Variants in DCAF6 observed in about 807,000 individuals in gnomAD.
DCAF6 encodes DDB1- and CUL4-associated factor 6.
DCAF6 carries 54 observed loss-of-function variants against 125.1 expected under a neutral mutation model. The ratio of observed to expected loss-of-function variants is 0.43; its 90% confidence interval spans 0.35 to 0.54. The LOEUF is 0.54. Among genes scored for constraint, DCAF6 ranks in the 20% least tolerant of loss-of-function variants. The pLI is 0.01. For synonymous variants in DCAF6, 371 were observed against 390.4 expected, an observed-to-expected ratio of 0.95 and a Z score of 0.58; for missense variants, 934 against 1,161.7, an observed-to-expected ratio of 0.80 and a Z score of 2.85.
intron 1 of DCAF6, among the ~76,000 whole-genome samples, chr1:167,943,122 G>A (rs1271529815): frequency 6.6e-6 from 1 of 152,126 alleles, no homozygotes; most frequent in African/African-American, 2.4e-5. Context: ...CGTTAGCCAG[G>A]ATGGTCTCGA....
the DCAF6 span, chr1:167,883,679 C>T: frequency 3.8e-6 from 6 of 1,563,904 alleles, no homozygotes; most frequent in Non-Finnish European, 3.5e-6. Context: ...GTGGATCCCT[C>T]CCCCAACACC....
Position 167,936,961 on chromosome 1 carries a change from G to T in DCAF6, c.50G>T (p.Arg17Met). ...CACCTGTTGTGGGACGTGAGGAAAA[G>T]GTCCCTCGGGCTGGAGGACCCGTCC... ...YPHLLWDVRK[R>M]SLGLEDPSRL... The change falls in exon 1 of 22, where the codon AGG becomes ATG. Residue 17 changes from arginine (R) to methionine (M), a missense_variant. By Grantham distance (91) the Arg-to-Met change is moderately conservative. Transcript: ENST00000367840. The T allele has an allele frequency of 6.2e-7, 1 of 1,611,084 alleles. No individual in the cohort carries two copies. The highest frequency in any genetic ancestry group is 8.5e-7 in the Non-Finnish European group (1 of 1,179,192).
chr1:167,973,340 T>C (rs1051867928), intron 3 of DCAF6, among the ~76,000 whole-genome samples: 3 of 152,182 alleles, frequency 2.0e-5, no homozygotes, highest in African/African-American at 4.8e-5. Flanking sequence ...TTGGAGATGT[T>C]GTTTGATCCC....
the DCAF6 span, among the ~76,000 whole-genome samples, chr1:167,897,167 T>C: frequency 6.6e-6 from 1 of 150,782 alleles, no homozygotes; most frequent in Non-Finnish European, 1.5e-5. Context: ...TTTTGTGGTA[T>C]TCTTGGTTAA....
chr1:167,881,068 T>C, the DCAF6 span, among the ~76,000 whole-genome samples: 1 of 152,230 alleles, frequency 6.6e-6, no homozygotes. Flanking sequence ...ATGGATATAC[T>C]GTAGACCTGC....
chr1:167,974,390 CTG>C (rs1226260530), intron 3 of DCAF6, among the ~76,000 whole-genome samples: 1 of 152,068 alleles, frequency 6.6e-6, no homozygotes, highest in Non-Finnish European at 1.5e-5. Flanking sequence ...GGGACTTCTG[CTG>C]TGTCTTATGT....
At chr1:168,047,129 AAGG>A (rs1689233231) in intron 16 of DCAF6, among the ~76,000 whole-genome samples, 1 of 152,136 alleles carries the variant, frequency 6.6e-6, no homozygotes, top group African/African-American at 2.4e-5. Context: ...ATTAATGAGA[AAGG>A]AGGATTTGAG....
At chr1:167,870,255 AC>A in the DCAF6 span, 1 of 1,613,924 alleles carries the variant, frequency 6.2e-7, no homozygotes, top group African/African-American at 1.3e-5. Flanking sequence ...CAAGACACTC[AC>A]CTGTGATTCT....
chr1:167,872,335 T>A, the DCAF6 span, among the ~76,000 whole-genome samples: 3 of 146,800 alleles, frequency 2.0e-5, no homozygotes. Context: ...CAAAACTCCA[T>A]CTCAAAAAAA....
intron 15 of DCAF6, 34 bp downstream of exon 15, chr1:168,044,705 G>A: frequency 6.5e-7 from 1 of 1,543,200 alleles, no homozygotes; most frequent in Non-Finnish European, 8.9e-7. Flanking sequence ...TGCTTTGTAT[G>A]GGAAAATAAA....
chr1:167,875,142 T>C, the DCAF6 span: 4 of 1,613,912 alleles, frequency 2.5e-6, no homozygotes, highest in Non-Finnish European at 2.5e-6. Flanking sequence ...CAGCAAAGGG[T>C]AATCCTCCTT....
chr1:168,041,035 T>C (rs763028204), intron 13 of DCAF6, among the ~76,000 whole-genome samples: 3 of 151,934 alleles, frequency 2.0e-5, no homozygotes, highest in Non-Finnish European at 4.4e-5. Flanking sequence ...TGGACTGAAA[T>C]TGACAAGTTT....
At chr1:167,923,750 T>G in the DCAF6 span, among the ~76,000 whole-genome samples, 1 of 151,280 alleles carries the variant, frequency 6.6e-6, no homozygotes, top group African/African-American at 2.4e-5. Flanking sequence ...TAGAGGGCAT[T>G]AGAGAATCAT....
At chr1:168,019,487 T>G (rs569909167) in intron 11 of DCAF6, 28 of 441,048 alleles carry the variant, frequency 6.3e-5, no homozygotes, top group African/African-American at 5.0e-4. Flanking sequence ...TAAACAGGTA[T>G]GGCAGAGGCA....
At chr1:167,886,728 A>G in the DCAF6 span, among the ~76,000 whole-genome samples, 3 of 152,252 alleles carry the variant, frequency 2.0e-5, no homozygotes, top group Non-Finnish European at 4.4e-5. Context: ...GCTTCTGAAC[A>G]GCAAAAGAAA....
At chr1:167,983,259 G>A (rs1328550251) in intron 4 of DCAF6, among the ~76,000 whole-genome samples, 1 of 152,154 alleles carries the variant, frequency 6.6e-6, no homozygotes, top group East Asian at 1.9e-4. Context: ...TGGGCTGAAT[G>A]GTCATTTTAA....
chr1:168,016,028 C>T (rs1326867346), intron 11 of DCAF6, 77 bp downstream of exon 11: 2 of 1,229,186 alleles, frequency 1.6e-6, no homozygotes, highest in African/African-American at 1.6e-5. Flanking sequence ...AGGTGCTTCC[C>T]TTTTCCCATT....
At chr1:168,012,302 C>G (rs936381269) in intron 10 of DCAF6, among the ~76,000 whole-genome samples, 3 of 152,168 alleles carry the variant, frequency 2.0e-5, no homozygotes, top group South Asian at 4.1e-4. Context: ...TTTTGTTGTT[C>G]TTCTGTCTCA....
intron 4 of DCAF6, 103 bp from the exon 5 acceptor site, chr1:167,987,392 T>C: frequency 1.6e-6 from 1 of 607,876 alleles, no homozygotes. Context: ...GCATGGTTTT[T>C]GTAACCTTTA....
Sources: allele counts gnomAD v4.1 joint callset (sites outside exome capture counted in the v4.1 genomes callset), GRCh38; gene constraint gnomAD v4.1.1; transcripts MANE v1.5; gene names NCBI Gene and HGNC (gene_info 2026-07-23, HGNC 2026-07-21).